Variants in FAM53B observed in about 807,000 individuals in gnomAD.
FAM53B encodes family with sequence similarity 53 member B.
In FAM53B, 12 loss-of-function variants were observed where a neutral mutation model predicts 32.7. The observed-to-expected ratio is 0.37, with a 90% CI of 0.24 to 0.59. FAM53B has a LOEUF of 0.59. Ranked by LOEUF, FAM53B falls within the 20% of genes least tolerant of loss-of-function variation. FAM53B has a pLI of 0.72. For missense variants in FAM53B, 477 were observed against 577.7 expected (o/e 0.83, Z 1.79); for synonymous variants, 234 against 228.7 (o/e 1.02, Z -0.21).
At chr10:124,657,040 A>ATATATATATATGTATATATG (rs199894382) in intron 4 of FAM53B, among the ~76,000 whole-genome samples, 2 of 144,200 alleles carry the variant, frequency 1.4e-5, no homozygotes, top group Non-Finnish European at 3.0e-5. Flanking sequence ...AAGTATAAAT[A>ATATATATATATGTATATATG]TATATATATA....
At chr10:124,689,648 A>G (rs1949822158) in intron 3 of FAM53B, among the ~76,000 whole-genome samples, 1 of 152,364 alleles carries the variant, frequency 6.6e-6, no homozygotes. Context: ...CTGGGAGGTG[A>G]CAAAGAAGCT....
intron 4 of FAM53B, among the ~76,000 whole-genome samples, chr10:124,644,552 A>C (rs1032409699): frequency 2.6e-5 from 4 of 152,158 alleles, no homozygotes; most frequent in African/African-American, 9.7e-5. Flanking sequence ...CCTGCCTGGC[A>C]CTCAGCAACC....
At chr10:124,647,007 C>T (rs755985684) in intron 4 of FAM53B, among the ~76,000 whole-genome samples, 6 of 152,072 alleles carry the variant, frequency 3.9e-5, no homozygotes, top group Non-Finnish European at 7.4e-5. Context: ...CTGCAGCAGG[C>T]GATGGGAACT....
chr10:124,726,489 G>C (rs1189854840), intron 1 of FAM53B, among the ~76,000 whole-genome samples: 1 of 152,208 alleles, frequency 6.6e-6, no homozygotes, highest in Non-Finnish European at 1.5e-5. Flanking sequence ...AGGCAGATGA[G>C]GATGCCATGT....
intron 3 of FAM53B, among the ~76,000 whole-genome samples, chr10:124,683,793 G>C (rs1949786965): frequency 6.6e-6 from 1 of 152,240 alleles, no homozygotes; most frequent in Admixed American, 6.5e-5. Context: ...GGGCTCAGGT[G>C]CAGAAAACTG....
rs188374527 is a variant in FAM53B at position 124,736,615 on chromosome 10, T to A, written c.-175+7398A>T. On this transcript the variant is annotated intron_variant, in intron 1 of 4. Transcript: ENST00000337318. ...GAATTCCAGGCAGGGCCGAGGCCTCTCCCAGCTGGGCTTTGTCTGTCAGGG... is the reference window on the plus strand; with the variant it reads ...GAATTCCAGGCAGGGCCGAGGCCTCACCCAGCTGGGCTTTGTCTGTCAGGG... Among the ~76,000 whole-genome samples the A allele has an allele frequency of 3.3e-3, 499 of 152,374 alleles. 2 individuals carry two copies. The highest frequency in any genetic ancestry group is 5.1e-3 in the Non-Finnish European group (345 of 68,030).
intron 4 of FAM53B, among the ~76,000 whole-genome samples, chr10:124,664,979 T>G (rs1564871692): frequency 6.6e-6 from 1 of 152,226 alleles, no homozygotes; most frequent in East Asian, 1.9e-4. Flanking sequence ...AAAGCTCCTT[T>G]TTCCCTGATG....
chr10:124,625,536 A>G (rs924354678), intron 4 of FAM53B, among the ~76,000 whole-genome samples: 2 of 152,100 alleles, frequency 1.3e-5, no homozygotes, highest in Non-Finnish European at 2.9e-5. Flanking sequence ...CAGGTTCCTC[A>G]CCGGCTCCTG....
At chr10:124,707,596 G>A (rs1470468981) in intron 1 of FAM53B, among the ~76,000 whole-genome samples, 3 of 152,170 alleles carry the variant, frequency 2.0e-5, no homozygotes, top group African/African-American at 7.2e-5. Context: ...AAAATTAGCT[G>A]GGCTTGGTGG....
intron 1 of FAM53B, among the ~76,000 whole-genome samples, chr10:124,725,818 T>C (rs1174316391): frequency 6.6e-6 from 1 of 152,010 alleles, no homozygotes; most frequent in African/African-American, 2.4e-5. Flanking sequence ...AAACAAAACA[T>C]CTCCGGGAAT....
At chr10:124,646,565 G>A (rs1949516702) in intron 4 of FAM53B, among the ~76,000 whole-genome samples, 1 of 152,190 alleles carries the variant, frequency 6.6e-6, no homozygotes, top group African/African-American at 2.4e-5. Flanking sequence ...TGGAATACAT[G>A]AGACGAGGTT....
chr10:124,726,327 T>C (rs932451959), intron 1 of FAM53B, among the ~76,000 whole-genome samples: 1 of 152,160 alleles, frequency 6.6e-6, no homozygotes, highest in Non-Finnish European at 1.5e-5. Context: ...AATCTAAATC[T>C]AGGTCAAGAT....
intron 1 of FAM53B, among the ~76,000 whole-genome samples, chr10:124,726,851 G>A (rs1950107123): frequency 6.6e-6 from 1 of 152,202 alleles, no homozygotes. Context: ...AAAGAGCTGA[G>A]ATACATGTTT....
intron 4 of FAM53B, among the ~76,000 whole-genome samples, chr10:124,654,247 A>G (rs1564868774): frequency 6.6e-6 from 1 of 152,248 alleles, no homozygotes; most frequent in Non-Finnish European, 1.5e-5. Flanking sequence ...TCGTCATGCA[A>G]CGCTATGGTG....
intron 3 of FAM53B, among the ~76,000 whole-genome samples, chr10:124,689,672 A>C (rs1773973440): frequency 1.3e-5 from 2 of 152,258 alleles, no homozygotes; most frequent in African/African-American, 4.8e-5. Flanking sequence ...AAGGACAAAG[A>C]TCGGGGTTCA....
intron 4 of FAM53B, among the ~76,000 whole-genome samples, chr10:124,662,574 C>A (rs1395348204): frequency 6.6e-6 from 1 of 151,280 alleles, no homozygotes; most frequent in Non-Finnish European, 1.5e-5. Flanking sequence ...CCAGTGCTTT[C>A]GGAGGCTCAG....
At chr10:124,700,830 C>A (rs572454775) in intron 2 of FAM53B, among the ~76,000 whole-genome samples, 51 of 152,338 alleles carry the variant, frequency 3.3e-4, no homozygotes, top group African/African-American at 1.2e-3. Flanking sequence ...TTACAGGGAG[C>A]CACAGAGCAA....
chr10:124,641,068 C>T (rs146265174), intron 4 of FAM53B, among the ~76,000 whole-genome samples: 84 of 152,322 alleles, frequency 5.5e-4, no homozygotes, highest in African/African-American at 2.0e-3. Flanking sequence ...ACCAGTAAGA[C>T]AAAACAGGAA....
chr10:124,657,177 C>CATATATATATATATATATATGTACAT (rs368205103), intron 4 of FAM53B, among the ~76,000 whole-genome samples: 87 of 75,026 alleles, frequency 1.2e-3, no homozygotes, highest in Non-Finnish European at 2.0e-3. Context: ...TATATATGTA[C>CATATATATATATATATATATGTACAT]ATATATATAT....
Sources: allele counts gnomAD v4.1 joint callset (sites outside exome capture counted in the v4.1 genomes callset), GRCh38; gene constraint gnomAD v4.1.1; transcripts MANE v1.5; gene names NCBI Gene and HGNC (gene_info 2026-07-23, HGNC 2026-07-21).